PTPRT: variants seen among roughly 807,000 people sequenced by gnomAD.
The protein encoded by PTPRT is receptor-type tyrosine-protein phosphatase T.
A neutral mutation model predicts 176.8 loss-of-function variants in PTPRT; 56 were observed. That is an observed-to-expected ratio of 0.32 (90% CI 0.26 to 0.40). The LOEUF is 0.40. Among genes scored for constraint, PTPRT ranks in the 10% least tolerant of loss-of-function variants. PTPRT has a pLI of 1.00. For missense variants in PTPRT, 1,540 were observed against 1,908.2 expected (o/e 0.81, Z 3.60); for synonymous variants, 783 against 739.0 (o/e 1.06, Z -0.96).
chr20:42,791,371 C>T lies in PTPRT; in HGVS notation c.310G>A (p.Asp104Asn), dbSNP rs773011187. 1.3e-5 allele frequency: 21 copies of T among 1,614,180 alleles called. No individual in the cohort carries two copies. The highest frequency in any genetic ancestry group is 3.3e-5 in the South Asian group (3 of 91,076). The part of the protein sequence containing the change: ...TLKENDTHCI[D>N]FHYYFSSRDR... ...CGGCTGGAGAAGTAGTAATGGAAGT[C>T]GATGCAGTGGGTGTCATTCTCCTTC... Residue 104 changes from aspartate to asparagine, a missense_variant, in exon 3 of 31, where the codon GAC becomes AAC. Asp to Asn is a conservative substitution (Grantham distance 23). Transcript: ENST00000373187.
At chr20:42,041,891 T>A in the PTPRT span, among the ~76,000 whole-genome samples, 1 of 152,202 alleles carries the variant, frequency 6.6e-6, no homozygotes, top group Admixed American at 6.5e-5. Flanking sequence ...AAATTACCTT[T>A]GATTCTAGCT....
intron 1 of PTPRT, among the ~76,000 whole-genome samples, chr20:43,070,556 C>G (rs2011166539): frequency 6.6e-6 from 1 of 152,076 alleles, no homozygotes; most frequent in Non-Finnish European, 1.5e-5. Flanking sequence ...TTCACAATAG[C>G]AAAGACTTGG....
intron 9 of PTPRT, among the ~76,000 whole-genome samples, chr20:42,387,873 C>A (rs1245248786): frequency 2.0e-5 from 3 of 150,956 alleles, no homozygotes; most frequent in Admixed American, 2.0e-4. Flanking sequence ...CTCACTGAAA[C>A]CCCTACCTCC....
intron 15 of PTPRT, among the ~76,000 whole-genome samples, chr20:42,229,254 G>A (rs1402447671): frequency 6.6e-6 from 1 of 152,184 alleles, no homozygotes; most frequent in Non-Finnish European, 1.5e-5. Flanking sequence ...GGGGGGTGAG[G>A]CTCAGGAATC....
intron 9 of PTPRT, among the ~76,000 whole-genome samples, chr20:42,413,444 TACTCTCACCCCCATAGCAAA>T (rs990714585): frequency 6.6e-6 from 1 of 152,170 alleles, no homozygotes; most frequent in Non-Finnish European, 1.5e-5. Flanking sequence ...TTTTTAAAGC[TACTCTCACCCCCATAGCAAA>T]ACTTAACAAA....
At chr20:42,675,945 G>A (rs886636995) in intron 7 of PTPRT, among the ~76,000 whole-genome samples, 37 of 152,156 alleles carry the variant, frequency 2.4e-4, no homozygotes, top group Admixed American at 1.6e-3. Flanking sequence ...TGTCTTAGAC[G>A]TCTCTGATTT....
intron 6 of PTPRT, among the ~76,000 whole-genome samples, chr20:42,697,487 G>A (rs4812631): frequency 0.36 from 55,324 of 152,030 alleles, 11,076 homozygotes; most frequent in African/African-American, 0.54. Flanking sequence ...GAAGATAACC[G>A]GTAAGGAAAT....
intron 7 of PTPRT, among the ~76,000 whole-genome samples, chr20:42,574,131 G>A (rs180713041): frequency 4.1e-4 from 62 of 152,288 alleles, no homozygotes; most frequent in African/African-American, 1.4e-3. Context: ...GTGGGTTGCA[G>A]AGCCAGGCAG....
At chr20:42,886,747 G>A (rs2079109169) in intron 1 of PTPRT, among the ~76,000 whole-genome samples, 1 of 152,250 alleles carries the variant, frequency 6.6e-6, no homozygotes, top group Non-Finnish European at 1.5e-5. Context: ...CCATCAAGGT[G>A]ACATTGAGAG....
intron 27 of PTPRT, 31 bp from the exon 28 acceptor site, chr20:42,085,884 C>G (rs722898): frequency 0.52 from 815,260 of 1,574,234 alleles, 216,759 homozygotes; most frequent in Middle Eastern, 0.61. Flanking sequence ...ACAGAAGGAG[C>G]TCAAAGGCAG....
intron 25 of PTPRT, among the ~76,000 whole-genome samples, chr20:42,103,193 T>C (rs773427400): frequency 6.6e-5 from 10 of 152,180 alleles, no homozygotes; most frequent in Admixed American, 1.3e-4. Context: ...TTATCTTACT[T>C]AGTGATTCAT....
intron 15 of PTPRT, among the ~76,000 whole-genome samples, chr20:42,233,485 G>A (rs894648156): frequency 3.9e-5 from 6 of 152,184 alleles, no homozygotes; most frequent in South Asian, 2.1e-4. Context: ...TAGGCTATTC[G>A]GAGGACTTAG....
chr20:42,339,783 C>G (rs1169843322), intron 11 of PTPRT, among the ~76,000 whole-genome samples: 1 of 152,190 alleles, frequency 6.6e-6, no homozygotes, highest in Non-Finnish European at 1.5e-5. Flanking sequence ...TATACCACTT[C>G]CCACATTCTA....
chr20:42,495,154 A>T (rs917195659), intron 7 of PTPRT, among the ~76,000 whole-genome samples: 2 of 152,176 alleles, frequency 1.3e-5, no homozygotes, highest in East Asian at 3.9e-4. Flanking sequence ...GTCCCCACTT[A>T]TAGATGAAAA....
chr20:42,540,328 T>A (rs939703917), intron 7 of PTPRT, among the ~76,000 whole-genome samples: 2 of 152,126 alleles, frequency 1.3e-5, no homozygotes, highest in African/African-American at 4.8e-5. Flanking sequence ...CTTCACATGC[T>A]GACCTGCTGT....
chr20:42,475,914 C>T (rs1446853195), intron 7 of PTPRT, among the ~76,000 whole-genome samples: 1 of 152,180 alleles, frequency 6.6e-6, no homozygotes, highest in East Asian at 1.9e-4. Flanking sequence ...GGAAAAGCCA[C>T]TTGTTCCCTC....
At chr20:42,831,031 T>G (rs2078075278) in intron 2 of PTPRT, among the ~76,000 whole-genome samples, 1 of 152,158 alleles carries the variant, frequency 6.6e-6, no homozygotes, top group Admixed American at 6.5e-5. Context: ...AAAAATCTAT[T>G]TTAATATTCA....
chr20:42,155,773 C>A (rs920837789), intron 17 of PTPRT, among the ~76,000 whole-genome samples: 1 of 152,090 alleles, frequency 6.6e-6, no homozygotes, highest in African/African-American at 2.4e-5. Flanking sequence ...GGGCTCTGGG[C>A]CCAGTCTCCT....
At chr20:42,548,714 C>A (rs947625553) in intron 7 of PTPRT, among the ~76,000 whole-genome samples, 1 of 152,004 alleles carries the variant, frequency 6.6e-6, no homozygotes, top group Non-Finnish European at 1.5e-5. Flanking sequence ...TGTCTTAAAT[C>A]GACAACCAAA....
Sources: gnomAD v4.1 joint callset for allele counts (sites outside exome capture counted in the v4.1 genomes callset) on GRCh38, gnomAD v4.1.1 for gene constraint, MANE v1.5 for transcripts, NCBI Gene and HGNC (gene_info 2026-07-23, HGNC 2026-07-21) for gene names.